The following ZC3H13 variants were observed in gnomAD, a reference collection of about 807,000 sequenced individuals.
The protein encoded by ZC3H13 is zinc finger CCCH-type containing 13, also known as zinc finger CCCH domain-containing protein 13.
A neutral mutation model predicts 204.1 loss-of-function variants in ZC3H13; 64 were observed. The observed-to-expected ratio is 0.31, with a 90% CI of 0.26 to 0.39. The LOEUF (loss-of-function observed/expected upper bound fraction) is 0.39. ZC3H13 is among the 10% of genes least tolerant of loss of function. The pLI is 1.00. For missense variants in ZC3H13, 1,833 were observed against 2,082.7 expected (o/e 0.88, Z 2.33); for synonymous variants, 667 against 693.7 (o/e 0.96, Z 0.60).
At position 46,045,380 on chromosome 13, in the gene ZC3H13, T is replaced by C. The variant is rs772106335; in HGVS notation, c.117+11A>G. ...AAGAGAACCCCTGTGACTATACTAG[T>C]GACAACTCACCTCTGCTGTACTGCC... On this transcript the variant is annotated intron_variant, in intron 2 of 18. Transcript: ENST00000679008. The C allele has an allele frequency of 6.2e-7, 1 of 1,606,012 alleles. No homozygotes were observed. The highest frequency in any genetic ancestry group is 8.5e-7 in the Non-Finnish European group (1 of 1,172,730).
Position 45,967,918 on chromosome 13 carries a change from C to T in ZC3H13, c.3907G>A (p.Asp1303Asn), listed in dbSNP as rs1413086862. Reference protein sequence around the residue: ...FDSRDRLQERDRYEHDRERER... With the variant: ...FDSRDRLQERNRYEHDRERER... ...CGCTCTCTGTCGTGTTCATATCGAT[C>T]TCGTTCTTGAAGCCTGTCTCTGCTA... Residue 1303 changes from aspartate (D) to asparagine (N), a missense_variant, in exon 15 of 19, where the codon GAT becomes AAT. Around this residue, in one of 5 missense-constraint regions of ZC3H13, gnomAD observed 1,574 missense variants for 1,757.2 expected, o/e 0.90. Coordinates refer to ENST00000679008, the MANE Select transcript of ZC3H13 (RefSeq NM_001330564.2). The T allele has an allele frequency of 6.2e-7, 1 of 1,613,938 alleles. No homozygotes were observed. The highest frequency in any genetic ancestry group is 8.5e-7 in the Non-Finnish European group (1 of 1,179,974).
intron 4 of ZC3H13, among the ~76,000 whole-genome samples, chr13:46,027,819 T>C (rs2042634050): frequency 6.6e-6 from 1 of 152,094 alleles, no homozygotes; most frequent in Admixed American, 6.5e-5. Context: ...ATAATTGATA[T>C]GCTAAAAAAG....
chr13:45,989,416 A>C (rs573384902), intron 8 of ZC3H13, among the ~76,000 whole-genome samples: 9 of 152,350 alleles, frequency 5.9e-5, no homozygotes, highest in African/African-American at 2.2e-4. Context: ...ATAATCTCTG[A>C]AAGTGTGAAC....
intron 8 of ZC3H13, among the ~76,000 whole-genome samples, chr13:45,998,377 G>A (rs1422520203): frequency 4.6e-5 from 7 of 152,074 alleles, no homozygotes; most frequent in Non-Finnish European, 1.5e-5. Context: ...CGGGCGCGGT[G>A]GCTCACACCT....
At chr13:46,020,947 G>C (rs2042184382) in intron 4 of ZC3H13, among the ~76,000 whole-genome samples, 1 of 151,956 alleles carries the variant, frequency 6.6e-6, no homozygotes, top group South Asian at 2.1e-4. Flanking sequence ...GAAAACCACT[G>C]GGGAAAAGAC....
intron 12 of ZC3H13, among the ~76,000 whole-genome samples, chr13:45,971,970 C>T (rs765553523): frequency 6.6e-6 from 1 of 151,788 alleles, no homozygotes; most frequent in Non-Finnish European, 1.5e-5. Flanking sequence ...CTTACTCCTA[C>T]AAAAATGGCC....
intron 8 of ZC3H13, among the ~76,000 whole-genome samples, chr13:45,991,501 G>C (rs1187713793): frequency 6.6e-6 from 1 of 152,164 alleles, no homozygotes; most frequent in African/African-American, 2.4e-5. Context: ...CAACGAAACT[G>C]TCTTGAAATC....
intron 6 of ZC3H13, among the ~76,000 whole-genome samples, chr13:46,010,836 G>A (rs945930165): frequency 6.6e-6 from 1 of 151,690 alleles, no homozygotes; most frequent in Non-Finnish European, 1.5e-5. Flanking sequence ...AGGCTGCAGT[G>A]AGTGCCACTG....
chr13:46,003,436 C>T, intron 7 of ZC3H13, 100 bp from the exon 8 acceptor site: 1 of 1,135,068 alleles, frequency 8.8e-7, no homozygotes, highest in African/African-American at 1.6e-5. Context: ...CATTACTTGC[C>T]CTTTATTATT....
At chr13:46,014,193 T>A (rs190689911) in intron 5 of ZC3H13, among the ~76,000 whole-genome samples, 101 of 152,302 alleles carry the variant, frequency 6.6e-4, no homozygotes, top group Non-Finnish European at 1.1e-3. Context: ...TACTTTAAGT[T>A]CTGGGATACA....
intron 4 of ZC3H13, among the ~76,000 whole-genome samples, chr13:46,027,175 G>A (rs1225391964): frequency 6.6e-6 from 1 of 152,088 alleles, no homozygotes; most frequent in Non-Finnish European, 1.5e-5. Flanking sequence ...CGCAATCTTG[G>A]CTCACTGCAA....
At chr13:46,006,930 C>T (rs533631939) in intron 7 of ZC3H13, among the ~76,000 whole-genome samples, 1 of 151,712 alleles carries the variant, frequency 6.6e-6, no homozygotes, top group South Asian at 2.1e-4. Context: ...ATATTAGCCA[C>T]ATATCTCATT....
chr13:46,039,791 C>A (rs146989964), intron 4 of ZC3H13, among the ~76,000 whole-genome samples: 8 of 152,208 alleles, frequency 5.3e-5, no homozygotes, highest in Non-Finnish European at 8.8e-5. Flanking sequence ...TTATAATATA[C>A]ATAACGGGAA....
At position 45,975,528 on chromosome 13, in the gene ZC3H13, C is replaced by A. The variant is rs1318145738; in HGVS notation, c.2223G>T (p.Arg741Ser). The A allele has an allele frequency of 6.2e-7, 1 of 1,605,436 alleles. No individual in the cohort carries two copies. The highest frequency in any genetic ancestry group is 8.5e-7 in the Non-Finnish European group (1 of 1,176,124). The change falls in exon 12 of 19, where the codon AGG (arginine) becomes AGT (serine). Residue 741 changes from arginine to serine, a missense_variant. Arg to Ser is a moderately radical substitution (Grantham distance 110). Transcript: ENST00000679008. Reference protein sequence around the residue: ...RDHDRERERERERDREKERER... With the variant: ...RDHDRERERESERDREKERER... The stretch of plus-strand genomic sequence containing the variant: ...CCCGTTCTTTTTCCCTGTCTCGTTC[C>A]CTCTCTCTTTCCCGCTCTCGATCGT...
rs34242790 is a variant in ZC3H13 at position 45,967,676 on chromosome 13, T to G, written c.4149A>C (p.Gln1383His). ...RDRDRTFESS[Q>H]IESVKRCEAK... ...CTTCACAGCGTTTCACAGACTCTAT[T>G]TGAGAACTCTCAAAAGTTCTGTCTC... The change falls in exon 15 of 19, where the codon CAA (glutamine) becomes CAC (histidine). Residue 1383 changes from glutamine (Q) to histidine (H), a missense_variant. Physicochemically the swap from Gln to His is conservative, Grantham distance 24 (BLOSUM62 0). This residue lies in a region of ZC3H13 where 1,574 missense variants were observed against 1,757.2 expected (regional missense o/e 0.90). Coordinates refer to ENST00000679008, the MANE Select transcript of ZC3H13 (RefSeq NM_001330564.2). 1.2e-6 allele frequency: 2 copies of G among 1,614,010 alleles called. No individual in the cohort carries two copies. The highest frequency in any genetic ancestry group is 2.2e-5 in the East Asian group (1 of 44,890).
chr13:45,973,976 T>C (rs1952803581), intron 12 of ZC3H13, among the ~76,000 whole-genome samples: 1 of 152,164 alleles, frequency 6.6e-6, no homozygotes, highest in Non-Finnish European at 1.5e-5. Context: ...TTCTGTGCTG[T>C]GTTGTTTGGC....
intron 4 of ZC3H13, among the ~76,000 whole-genome samples, chr13:46,039,739 G>A (rs2043447431): frequency 6.6e-6 from 1 of 152,136 alleles, no homozygotes; most frequent in African/African-American, 2.4e-5. Flanking sequence ...AGAACTCATA[G>A]TAAATTTTAC....
intron 18 of ZC3H13, among the ~76,000 whole-genome samples, chr13:45,958,789 G>A (rs1951467614): frequency 6.6e-6 from 1 of 151,762 alleles, no homozygotes; most frequent in Non-Finnish European, 1.5e-5. Context: ...CAAATAGCTG[G>A]GACTACAGAT....
chr13:46,048,129 CCTTT>C (rs1270148866), intron 1 of ZC3H13, among the ~76,000 whole-genome samples: 1 of 152,184 alleles, frequency 6.6e-6, no homozygotes, highest in Non-Finnish European at 1.5e-5. Flanking sequence ...TCTATCATCT[CCTTT>C]CTTTTTACTT....
Sources: allele counts gnomAD v4.1 joint callset (sites outside exome capture counted in the v4.1 genomes callset), GRCh38; gene constraint gnomAD v4.1.1; regional missense constraint gnomAD v4.1.1; transcripts MANE v1.5; gene names NCBI Gene and HGNC (gene_info 2026-07-23, HGNC 2026-07-21).